The following BANF2 variants were observed in gnomAD, a reference collection of about 807,000 sequenced individuals.
The protein encoded by BANF2 is barrier-to-autointegration factor-like protein.
In BANF2, 4 loss-of-function variants were observed where a neutral mutation model predicts 8.0. The ratio of observed to expected loss-of-function variants is 0.50; its 90% CI spans 0.25 to 1.14. The LOEUF is 1.14. Ranked by LOEUF, BANF2 falls within the 50% of genes most tolerant of loss-of-function variation. BANF2 has a pLI of 0.16. For synonymous variants in BANF2, 50 were observed against 40.6 expected (o/e 1.23, Z -0.88); for missense variants, 96 against 107.5 (o/e 0.89, Z 0.47).
chr20:17,732,604 G>A (rs189559703), intron 3 of BANF2, among the ~76,000 whole-genome samples: 2 of 152,034 alleles, frequency 1.3e-5, no homozygotes, highest in African/African-American at 4.8e-5. Context: ...TGATCTGCCC[G>A]CTCAGCCTCC....
chr20:17,730,894 T>G (rs1177016913), intron 3 of BANF2, among the ~76,000 whole-genome samples: 2 of 152,192 alleles, frequency 1.3e-5, no homozygotes, highest in Admixed American at 6.5e-5. Context: ...ACATTTCAGA[T>G]AAGCAAATAA....
At chr20:17,730,485 C>T (rs1050300972) in intron 3 of BANF2, among the ~76,000 whole-genome samples, 4 of 152,096 alleles carry the variant, frequency 2.6e-5, no homozygotes, top group Non-Finnish European at 5.9e-5. Flanking sequence ...TGCTCTCTCT[C>T]GCCCTCACCT....
intron 2 of BANF2, among the ~76,000 whole-genome samples, chr20:17,724,226 T>C (rs1226817491): frequency 6.6e-6 from 1 of 152,234 alleles, no homozygotes; most frequent in Non-Finnish European, 1.5e-5. Context: ...ATAGTTTTGC[T>C]AAGACAGAGA....
At chr20:17,700,906 G>A (rs911355) in intron 1 of BANF2, among the ~76,000 whole-genome samples, 3 of 152,090 alleles carry the variant, frequency 2.0e-5, no homozygotes, top group African/African-American at 7.2e-5. Flanking sequence ...CCATCTGTGA[G>A]TGCCAACACG....
intron 1 of BANF2, among the ~76,000 whole-genome samples, chr20:17,710,381 G>C (rs979991307): frequency 6.6e-6 from 1 of 152,068 alleles, no homozygotes; most frequent in Non-Finnish European, 1.5e-5. Context: ...GGCCCCCTTT[G>C]CCTCTTCGGG....
intron 1 of BANF2, among the ~76,000 whole-genome samples, chr20:17,716,793 G>A (rs1166501833): frequency 8.3e-6 from 1 of 120,636 alleles, no homozygotes; most frequent in Non-Finnish European, 1.6e-5. Context: ...GTGAGCCCAA[G>A]ATTGTGCCAC....
Position 17,723,449 on chromosome 20 carries a change from G to A in BANF2, c.-4+571G>A, listed in dbSNP as rs941474923. Among the ~76,000 whole-genome samples the A allele has an allele frequency of 4.6e-5, 7 of 152,182 alleles. No individual in the cohort carries two copies. The East Asian group carries it at 5.8e-4, about 13-fold the overall frequency. On this transcript the variant is annotated intron_variant, in intron 2 of 3. Coordinates refer to ENST00000246090, the MANE Select transcript of BANF2 (RefSeq NM_178477.5). ...GAAAGACTGAGTCGAGAGAGCTGCC[G>A]GGAAATCAAGCTGAAGCCTTGCTCA...
upstream of BANF2, among the ~76,000 whole-genome samples, chr20:17,697,222 A>G (rs998654060): frequency 2.6e-5 from 4 of 152,314 alleles, no homozygotes; most frequent in Admixed American, 2.6e-4. Context: ...ATATGGTGCT[A>G]GCTCCACCTC....
Position 17,704,916 on chromosome 20 carries a change from C to G in BANF2, c.-167+4861C>G, listed in dbSNP as rs946893943. 4.6e-5 allele frequency among the ~76,000 whole-genome samples: 7 copies of G among 152,178 alleles called. No homozygotes were observed. The East Asian group carries it at 1.3e-3, about 29-fold the overall frequency. ...AGAGACGAACACTCACTTAGCAACC[C>G]CAGCAAGAAGGGGGCACCACTTCTT... On this transcript the variant is annotated intron_variant, in intron 1 of 3. Transcript: ENST00000246090.
chr20:17,708,969 T>G (rs2037528111), intron 1 of BANF2, among the ~76,000 whole-genome samples: 1 of 152,244 alleles, frequency 6.6e-6, no homozygotes, highest in South Asian at 2.1e-4. Context: ...TAGAAATTAC[T>G]GAAACTCCTA....
chr20:17,728,253 G>A (rs563251236), intron 3 of BANF2, among the ~76,000 whole-genome samples: 17 of 152,160 alleles, frequency 1.1e-4, no homozygotes, highest in South Asian at 1.0e-3. Flanking sequence ...TCCTGGCCTC[G>A]CCCCATGGGC....
In BANF2 at chr20:17,735,413, G is replaced by A. The variant is rs973125107; in HGVS notation, c.127-252G>A. Among the ~76,000 whole-genome samples the A allele has an allele frequency of 3.9e-5, 6 of 152,174 alleles. No homozygotes were observed. In the East Asian group the frequency reaches 1.2e-3, roughly 29 times the overall value. ...ATGTGCTTGTCAAAGTTTGAAGGGG[G>A]CAGGGTCTGACTCATTCCAGGGTGG... On this transcript the variant is annotated intron_variant, in intron 3 of 3. Coordinates refer to ENST00000246090, the MANE Select transcript of BANF2 (RefSeq NM_178477.5).
chr20:17,733,820 G>T (rs2037937144), intron 3 of BANF2, among the ~76,000 whole-genome samples: 1 of 152,072 alleles, frequency 6.6e-6, no homozygotes, highest in Non-Finnish European at 1.5e-5. Flanking sequence ...AAAATTCAAT[G>T]CTTGGGTATA....
At chr20:17,724,652 A>T (rs1266288810) in intron 2 of BANF2, among the ~76,000 whole-genome samples, 1 of 152,254 alleles carries the variant, frequency 6.6e-6, no homozygotes, top group African/African-American at 2.4e-5. Context: ...TTGGGTGGTT[A>T]AGAGAGAAGG....
chr20:17,718,693 C>T (rs913868722), intron 1 of BANF2, among the ~76,000 whole-genome samples: 1 of 152,178 alleles, frequency 6.6e-6, no homozygotes, highest in Non-Finnish European at 1.5e-5. Context: ...TGTCATACAG[C>T]TTTTAAAAAT....
chr20:17,722,286 T>C (rs1412218293), intron 1 of BANF2, among the ~76,000 whole-genome samples: 1 of 152,268 alleles, frequency 6.6e-6, no homozygotes, highest in Non-Finnish European at 1.5e-5. Flanking sequence ...TCTTTGATGC[T>C]GCTGATGCAT....
At chr20:17,714,629 A>C (rs1245120828) in intron 1 of BANF2, among the ~76,000 whole-genome samples, 1 of 152,236 alleles carries the variant, frequency 6.6e-6, no homozygotes, top group Non-Finnish European at 1.5e-5. Flanking sequence ...ACATCCATGA[A>C]ACCTTACTTA....
At chr20:17,722,667 A>G in intron 1 of BANF2, 49 bp from the exon 2 acceptor site, 1 of 919,780 alleles carries the variant, frequency 1.1e-6, no homozygotes, top group Non-Finnish European at 1.3e-6. Context: ...AGACCCACAG[A>G]GTCAGGGGAC....
At chr20:17,721,289 G>A (rs972006436) in intron 1 of BANF2, among the ~76,000 whole-genome samples, 1 of 152,196 alleles carries the variant, frequency 6.6e-6, no homozygotes, top group Non-Finnish European at 1.5e-5. Flanking sequence ...ACTAAAGGAA[G>A]TTCCACTGGA....
Sources: gnomAD v4.1 joint callset for allele counts (sites outside exome capture counted in the v4.1 genomes callset) on GRCh38, gnomAD v4.1.1 for gene constraint, MANE v1.5 for transcripts, NCBI Gene and HGNC (gene_info 2026-07-23, HGNC 2026-07-21) for gene names.